The following TMEM178B variants were observed in gnomAD, a reference collection of about 807,000 sequenced individuals.
TMEM178B encodes the protein transmembrane protein 178B.
TMEM178B carries 5 observed loss-of-function variants against 31.0 expected under a neutral mutation model. The observed-to-expected ratio is 0.16, with a 90% CI of 0.08 to 0.34. The LOEUF is 0.34. Among genes scored for constraint, TMEM178B ranks in the 10% least tolerant of loss-of-function variants. The pLI is 1.00. For synonymous variants in TMEM178B, 164 were observed against 164.0 expected, an observed-to-expected ratio of 1.00 and a Z score of 0.00; for missense variants, 275 against 400.3, an observed-to-expected ratio of 0.69 and a Z score of 2.67.
intron 2 of TMEM178B, among the ~76,000 whole-genome samples, chr7:141,265,693 A>C (rs901571226): frequency 6.6e-6 from 1 of 152,192 alleles, no homozygotes; most frequent in African/African-American, 2.4e-5. Flanking sequence ...TGGATGAAGA[A>C]CAAAGAAGCA....
intron 1 of TMEM178B, among the ~76,000 whole-genome samples, chr7:141,154,661 T>A (rs1043324277): frequency 6.6e-6 from 1 of 151,982 alleles, no homozygotes; most frequent in Admixed American, 6.6e-5. Context: ...TACTTATAGT[T>A]CTGTTTCTTC....
At chr7:141,248,984 A>G (rs570657334) in intron 2 of TMEM178B, among the ~76,000 whole-genome samples, 2 of 152,158 alleles carry the variant, frequency 1.3e-5, no homozygotes, top group Non-Finnish European at 2.9e-5. Flanking sequence ...GGTCTCTCCT[A>G]TTGTGACTTT....
chr7:141,263,751 A>T (rs1456225428), intron 2 of TMEM178B, among the ~76,000 whole-genome samples: 1 of 152,182 alleles, frequency 6.6e-6, no homozygotes, highest in Non-Finnish European at 1.5e-5. Context: ...GGCCTCTGCA[A>T]TGTTAGAGGA....
intron 2 of TMEM178B, among the ~76,000 whole-genome samples, chr7:141,410,836 G>A (rs1330352323): frequency 1.3e-5 from 2 of 152,190 alleles, no homozygotes; most frequent in African/African-American, 4.8e-5. Context: ...GCACTGGATT[G>A]TAACTTGAAA....
chr7:141,100,693 G>C (rs1158899204), intron 1 of TMEM178B, among the ~76,000 whole-genome samples: 1 of 151,980 alleles, frequency 6.6e-6, no homozygotes, highest in Non-Finnish European at 1.5e-5. Context: ...TATAAACAAG[G>C]GCTGACTGTA....
At chr7:141,358,953 C>G (rs897302551) in intron 2 of TMEM178B, among the ~76,000 whole-genome samples, 1 of 152,224 alleles carries the variant, frequency 6.6e-6, no homozygotes, top group Non-Finnish European at 1.5e-5. Flanking sequence ...CCACTCACCT[C>G]TGTACGTACT....
At chr7:141,203,712 A>T (rs1297586122) in intron 1 of TMEM178B, among the ~76,000 whole-genome samples, 1 of 152,236 alleles carries the variant, frequency 6.6e-6, no homozygotes, top group African/African-American at 2.4e-5. Flanking sequence ...GCACAGATGA[A>T]GGCCTGGAAG....
At chr7:141,317,029 C>G (rs1437957588) in intron 2 of TMEM178B, among the ~76,000 whole-genome samples, 1 of 152,084 alleles carries the variant, frequency 6.6e-6, no homozygotes, top group Non-Finnish European at 1.5e-5. Context: ...TCAGATATAT[C>G]AAGGAAGATG....
chr7:141,077,460 A>G (rs1342147344), intron 1 of TMEM178B, among the ~76,000 whole-genome samples: 3 of 152,260 alleles, frequency 2.0e-5, no homozygotes, highest in African/African-American at 7.2e-5. Flanking sequence ...ATAAAACCAC[A>G]TAATTAATAA....
chr7:141,182,185 G>T (rs1796540030), intron 1 of TMEM178B, among the ~76,000 whole-genome samples: 1 of 152,168 alleles, frequency 6.6e-6, no homozygotes. Context: ...AGTGTCCTGG[G>T]CACTGGGGGA....
Position 141,386,996 on chromosome 7 carries a change from A to C in TMEM178B, c.497-50612A>C, listed in dbSNP as rs550957405. 1.1e-4 allele frequency among the ~76,000 whole-genome samples: 17 copies of C among 152,252 alleles called. No homozygotes were observed. In the South Asian group the frequency reaches 3.5e-3, roughly 32 times the overall value. On this transcript the variant is annotated intron_variant, in intron 2 of 3. Coordinates refer to ENST00000565468, the MANE Select transcript of TMEM178B (RefSeq NM_001195278.2). ...GTCAAATTATTCTAGCTTGAGTCAG[A>C]ATCTGTGGGCTCTTCCAGGAGGTTG...
chr7:141,397,963 G>A (rs911925601), intron 2 of TMEM178B, among the ~76,000 whole-genome samples: 1 of 152,188 alleles, frequency 6.6e-6, no homozygotes, highest in Non-Finnish European at 1.5e-5. Context: ...GGGCAGCAGG[G>A]AAAATGGGAA....
rs115711723 is a variant in TMEM178B at position 141,377,555 on chromosome 7, C to T, written c.497-60053C>T. 8.6e-3 allele frequency among the ~76,000 whole-genome samples: 1,305 copies of T among 151,976 alleles called. 19 individuals are homozygous for T. Among genetic ancestry groups the T allele is most frequent in the African/African-American group, 0.03 (1,246 of 41,462 alleles). On this transcript the variant is annotated intron_variant, in intron 2 of 3. Coordinates refer to ENST00000565468, the MANE Select transcript of TMEM178B (RefSeq NM_001195278.2). ...GCGTGGCAGTGGACACCTGTAATCACGGCTACTCAAGAGGCTAAGACAGGA... is the reference window on the plus strand; with the variant it reads ...GCGTGGCAGTGGACACCTGTAATCATGGCTACTCAAGAGGCTAAGACAGGA...
intron 2 of TMEM178B, among the ~76,000 whole-genome samples, chr7:141,383,627 A>G (rs1449253665): frequency 2.0e-5 from 3 of 152,172 alleles, no homozygotes; most frequent in Non-Finnish European, 4.4e-5. Context: ...ATTGATGGAC[A>G]TTTGGGTTGG....
chr7:141,362,504 CT>C (rs142863722), intron 2 of TMEM178B, among the ~76,000 whole-genome samples: 3,973 of 149,862 alleles, frequency 0.027, 172 homozygotes, highest in African/African-American at 0.09. Context: ...AACACATGCA[CT>C]TTTTTTTTTA....
At chr7:141,281,379 C>A (rs943695313) in intron 2 of TMEM178B, among the ~76,000 whole-genome samples, 1 of 152,052 alleles carries the variant, frequency 6.6e-6, no homozygotes, top group Admixed American at 6.5e-5. Flanking sequence ...TTTTTGTCAT[C>A]TTTTCTTTTC....
At chr7:141,328,963 T>G (rs1174416209) in intron 2 of TMEM178B, among the ~76,000 whole-genome samples, 1 of 152,164 alleles carries the variant, frequency 6.6e-6, no homozygotes, top group Non-Finnish European at 1.5e-5. Context: ...TTCAGATCAT[T>G]TTGATATGCT....
chr7:141,218,768 C>G (rs984793313), intron 2 of TMEM178B, among the ~76,000 whole-genome samples: 1 of 152,156 alleles, frequency 6.6e-6, no homozygotes, highest in African/African-American at 2.4e-5. Flanking sequence ...TCCAGCCACC[C>G]TGGGTCCTCC....
intron 1 of TMEM178B, among the ~76,000 whole-genome samples, chr7:141,082,445 CCTT>C (rs1794702131): frequency 6.6e-6 from 1 of 152,230 alleles, no homozygotes; most frequent in Non-Finnish European, 1.5e-5. Context: ...GACATACTCA[CCTT>C]CAAAGAAACA....
Sources: gnomAD v4.1 joint callset for allele counts (sites outside exome capture counted in the v4.1 genomes callset) on GRCh38, gnomAD v4.1.1 for gene constraint, MANE v1.5 for transcripts, NCBI Gene and HGNC (gene_info 2026-07-23, HGNC 2026-07-21) for gene names.